Variants in VPS13A observed in about 807,000 individuals in gnomAD.
VPS13A encodes the protein vacuolar protein sorting 13 homolog A.
VPS13A carries 264 observed loss-of-function variants against 390.9 expected under a neutral mutation model. The ratio of observed to expected loss-of-function variants is 0.68; its 90% confidence interval spans 0.61 to 0.75. The LOEUF is 0.75. VPS13A is among the 30% of genes least tolerant of loss of function. The probability of loss-of-function intolerance (pLI) is 0.00; values close to 1 mark genes in which losing one functional copy is unlikely to be tolerated. For synonymous variants in VPS13A, 1,231 were observed against 1,227.1 expected, an observed-to-expected ratio of 1.00 and a Z score of -0.07; for missense variants, 3,409 against 3,733.9, an observed-to-expected ratio of 0.91 and a Z score of 2.27.
intron 33 of VPS13A, among the ~76,000 whole-genome samples, chr9:77,296,857 G>C (rs1012471530): frequency 6.6e-6 from 1 of 151,988 alleles, no homozygotes; most frequent in African/African-American, 2.4e-5. Flanking sequence ...GGCTATTCAA[G>C]TTATTTTTTC....
At chr9:77,274,762 C>T (rs1043116803) in intron 24 of VPS13A, among the ~76,000 whole-genome samples, 16 of 151,920 alleles carry the variant, frequency 1.1e-4, no homozygotes, top group Admixed American at 5.9e-4. Flanking sequence ...ACTGCCATGT[C>T]GATTCTTGGT....
At position 77,225,943 on chromosome 9, in the gene VPS13A, G is replaced by C; in HGVS notation, c.1179G>C (p.Leu393Phe). 1.2e-6 allele frequency: 2 copies of C among 1,611,700 alleles called. No homozygotes were observed. Among genetic ancestry groups the C allele is most frequent in the Non-Finnish European group, 1.7e-6 (2 of 1,178,912 alleles). Residue 393 changes from leucine (L) to phenylalanine (F), a missense_variant, in exon 14 of 72, where the codon TTG becomes TTC. This residue lies in a region of VPS13A where 2,717 missense variants were observed against 2,917.4 expected (regional missense o/e 0.93). Transcript: ENST00000360280. ...TTTTTCAGGAGTTGGAAAAAACCTTGGATGTCTTTAATATAACTATAGCTA... is the reference window on the plus strand; with the variant it reads ...TTTTTCAGGAGTTGGAAAAAACCTTCGATGTCTTTAATATAACTATAGCTA... ...LVSLEELEKTLDVFNITIARQ... is the reference protein window; with the variant it reads ...LVSLEELEKTFDVFNITIARQ...
chr9:77,340,781 C>T, intron 50 of VPS13A: 1 of 488,780 alleles, frequency 2.0e-6, no homozygotes, highest in Non-Finnish European at 3.7e-6. Context: ...AGACGTTTAA[C>T]AATTACTAAC....
At chr9:77,208,842 G>T (rs939393498) in intron 5 of VPS13A, among the ~76,000 whole-genome samples, 1 of 152,192 alleles carries the variant, frequency 6.6e-6, no homozygotes, top group Non-Finnish European at 1.5e-5. Flanking sequence ...GAGCCACCTT[G>T]CCCCTCCAAT....
At chr9:77,315,105 G>A (rs992452601) in intron 37 of VPS13A, 148 bp from the exon 38 acceptor site, 5 of 683,226 alleles carry the variant, frequency 7.3e-6, no homozygotes, top group African/African-American at 1.8e-5. Context: ...TTGTTATTTG[G>A]AACACTTTAT....
chr9:77,299,959 A>AG (rs1828247222), intron 33 of VPS13A, among the ~76,000 whole-genome samples: 1 of 152,124 alleles, frequency 6.6e-6, no homozygotes, highest in Non-Finnish European at 1.5e-5. Flanking sequence ...TAGCATTAGG[A>AG]CAAATAATTA....
chr9:77,343,553 C>T (rs1488991267), intron 50 of VPS13A, among the ~76,000 whole-genome samples: 1 of 152,116 alleles, frequency 6.6e-6, no homozygotes, highest in African/African-American at 2.4e-5. Flanking sequence ...TTCTTTTGTC[C>T]AGTCTTCTCT....
rs12156480 is a variant in VPS13A at position 77,195,133 on chromosome 9, G to A, written c.101-4812G>A. Reference sequence around the variant, plus strand: ...CATTTAGCTCTTGGATCCATTTTGAGTTAATTTTTGAATATGGTATAAGCC... The same window carrying A: ...CATTTAGCTCTTGGATCCATTTTGAATTAATTTTTGAATATGGTATAAGCC... On this transcript the variant is annotated intron_variant, in intron 1 of 71. Coordinates refer to ENST00000360280, the MANE Select transcript of VPS13A (RefSeq NM_033305.3). 8.0e-3 allele frequency among the ~76,000 whole-genome samples: 1,222 copies of A among 152,134 alleles called. 13 individuals carry two copies. The highest frequency in any genetic ancestry group is 0.013 in the Non-Finnish European group (871 of 67,996).
At chr9:77,237,860 G>T in intron 17 of VPS13A, 142 bp from the exon 18 acceptor site, 2 of 636,076 alleles carry the variant, frequency 3.1e-6, no homozygotes, top group South Asian at 3.9e-5. Context: ...AGGAATCATT[G>T]TATGTCTTCT....
chr9:77,251,636 A>G (rs1422126584), intron 21 of VPS13A, among the ~76,000 whole-genome samples: 2 of 151,994 alleles, frequency 1.3e-5, no homozygotes, highest in African/African-American at 2.4e-5. Flanking sequence ...TACCAGTAAT[A>G]TTTTGGTCAC....
intron 59 of VPS13A, 91 bp from the exon 60 acceptor site, chr9:77,365,369 T>C (rs989854822): frequency 1.6e-5 from 13 of 791,724 alleles, no homozygotes; most frequent in Non-Finnish European, 2.8e-5. Context: ...CTGGATCTTA[T>C]AGAAGAGTTT....
At chr9:77,206,431 C>A (rs1229647848) in intron 5 of VPS13A, among the ~76,000 whole-genome samples, 3 of 151,376 alleles carry the variant, frequency 2.0e-5, no homozygotes, top group Non-Finnish European at 4.4e-5. Context: ...AATTTTCTAG[C>A]CTTTGCTTTT....
intron 22 of VPS13A, 45 bp from the exon 23 acceptor site, chr9:77,260,041 A>G (rs1286192950): frequency 1.6e-6 from 2 of 1,255,180 alleles, no homozygotes; most frequent in Non-Finnish European, 2.2e-6. Flanking sequence ...CACTTAAATC[A>G]GAATAATTCC....
chr9:77,268,163 A>G (rs1478940680), intron 23 of VPS13A, among the ~76,000 whole-genome samples: 1 of 152,204 alleles, frequency 6.6e-6, no homozygotes, highest in Non-Finnish European at 1.5e-5. Context: ...TGAAAGGTTC[A>G]TCTTGCTGGC....
In VPS13A at chr9:77,340,429, G is replaced by A. The variant is rs188070090; in HGVS notation, c.6905G>A (p.Ser2302Asn). ...YQVGVTIDLS[S>N]FNITRIVTFT... ...GTTGGTGTCACTATAGACCTGAGCA[G>A]TTTTAACATTACTAGAATTGTGACA... The change falls in exon 50 of 72, where the codon AGT (serine) becomes AAT (asparagine). Residue 2302 changes from serine to asparagine, a missense_variant. Ser to Asn is a conservative substitution (Grantham distance 46). Transcript: ENST00000360280. 2.7e-4 allele frequency: 428 copies of A among 1,613,328 alleles called. 4 individuals are homozygous for A. The East Asian group carries it at 9.3e-3, about 35-fold the overall frequency.
At chr9:77,378,844 C>G (rs1163078096) in intron 67 of VPS13A, among the ~76,000 whole-genome samples, 1 of 151,884 alleles carries the variant, frequency 6.6e-6, no homozygotes, top group Non-Finnish European at 1.5e-5. Context: ...TCCCTCTGAG[C>G]ACTGTCTTTG....
At chr9:77,245,523 A>G (rs532830834) in intron 19 of VPS13A, among the ~76,000 whole-genome samples, 3 of 152,336 alleles carry the variant, frequency 2.0e-5, no homozygotes, top group African/African-American at 4.8e-5. Context: ...GATGGTCTTC[A>G]GAATTTTTGA....
chr9:77,254,029 G>A (rs1252014911), intron 22 of VPS13A, among the ~76,000 whole-genome samples: 1 of 129,458 alleles, frequency 7.7e-6, no homozygotes, highest in Non-Finnish European at 1.6e-5. Flanking sequence ...TGCAGGCTCC[G>A]CCCCCCAGGG....
At chr9:77,223,261 C>A (rs1010915464) in intron 13 of VPS13A, among the ~76,000 whole-genome samples, 4 of 152,044 alleles carry the variant, frequency 2.6e-5, no homozygotes, top group African/African-American at 9.7e-5. Flanking sequence ...CCTCCTTATT[C>A]CATGAGATAA....
Sources: allele counts gnomAD v4.1 joint callset (sites outside exome capture counted in the v4.1 genomes callset), GRCh38; gene constraint gnomAD v4.1.1; regional missense constraint gnomAD v4.1.1; transcripts MANE v1.5; gene names NCBI Gene and HGNC (gene_info 2026-07-23, HGNC 2026-07-21).